Variants in PIP5K1B observed in about 807,000 individuals in gnomAD.
PIP5K1B encodes the protein phosphatidylinositol 4-phosphate 5-kinase type-1 beta.
PIP5K1B carries 42 observed loss-of-function variants against 67.0 expected under a neutral mutation model. The observed-to-expected ratio is 0.63, with a 90% confidence interval of 0.49 to 0.81. The LOEUF (loss-of-function observed/expected upper bound fraction) is 0.81. Among genes scored for constraint, PIP5K1B ranks in the 30% least tolerant of loss-of-function variants. The pLI is 0.00. For missense variants in PIP5K1B, 459 were observed against 646.3 expected (o/e 0.71, Z 3.14); for synonymous variants, 214 against 231.4 (o/e 0.92, Z 0.68).
In PIP5K1B at chr9:68,769,387, A is replaced by G. The variant is rs1043655251; in HGVS notation, c.-86+26730A>G. ...TGTTTTTTTTTCTAGCTTATATTCT[A>G]CATCTGATGGTCAGATCTGTTAGGT... On this transcript the variant is annotated intron_variant, in intron 2 of 15. Transcript: ENST00000265382. Among the ~76,000 whole-genome samples the G allele has an allele frequency of 2.6e-5, 4 of 152,270 alleles. No individual in the cohort carries two copies. In the East Asian group the frequency reaches 5.8e-4, roughly 22 times the overall value.
intron 12 of PIP5K1B, among the ~76,000 whole-genome samples, chr9:68,934,144 C>T (rs1490637924): frequency 6.6e-6 from 1 of 152,182 alleles, no homozygotes; most frequent in Non-Finnish European, 1.5e-5. Context: ...TAAGGATGGC[C>T]TTGCTGCCGC....
chr9:69,005,955 C>G (rs139410466), intron 15 of PIP5K1B, among the ~76,000 whole-genome samples: 3,496 of 152,002 alleles, frequency 0.023, 130 homozygotes, highest in African/African-American at 0.08. Context: ...TCATAGCTCA[C>G]TATAGCCTCA....
chr9:68,904,681 G>A (rs12684346), intron 8 of PIP5K1B, among the ~76,000 whole-genome samples: 14 of 151,794 alleles, frequency 9.2e-5, no homozygotes, highest in African/African-American at 2.9e-4. Flanking sequence ...AATGTGTGAC[G>A]TTGAATCCTG....
At chr9:68,766,147 A>G (rs1475369092) in intron 2 of PIP5K1B, among the ~76,000 whole-genome samples, 1 of 152,176 alleles carries the variant, frequency 6.6e-6, no homozygotes, top group African/African-American at 2.4e-5. Context: ...CTTGGTATGT[A>G]TAATATGGTT....
At chr9:68,988,444 G>GTTTTT (rs61373302) in intron 14 of PIP5K1B, among the ~76,000 whole-genome samples, 15 of 110,012 alleles carry the variant, frequency 1.4e-4, no homozygotes, top group Admixed American at 3.0e-4. Flanking sequence ...TTTTTTTGGG[G>GTTTTT]TTTTTTTTTT....
At chr9:69,002,446 A>G (rs2133031954) in intron 15 of PIP5K1B, among the ~76,000 whole-genome samples, 1 of 152,328 alleles carries the variant, frequency 6.6e-6, no homozygotes, top group Non-Finnish European at 1.5e-5. Context: ...CTGCAGCACT[A>G]GCACGTGTAT....
chr9:68,740,421 G>A (rs1414571477), intron 1 of PIP5K1B, among the ~76,000 whole-genome samples: 2 of 152,218 alleles, frequency 1.3e-5, no homozygotes, highest in African/African-American at 4.8e-5. Flanking sequence ...GGGTTCAGTG[G>A]AAGTTAAGTG....
intron 7 of PIP5K1B, among the ~76,000 whole-genome samples, chr9:68,893,032 C>T (rs1197382279): frequency 3.3e-5 from 5 of 151,944 alleles, no homozygotes; most frequent in Non-Finnish European, 4.4e-5. Flanking sequence ...AAGATCATGC[C>T]ACTGCACTCC....
intron 14 of PIP5K1B, among the ~76,000 whole-genome samples, chr9:68,977,723 C>T (rs1457896961): frequency 2.0e-5 from 3 of 147,498 alleles, no homozygotes; most frequent in Non-Finnish European, 3.0e-5. Context: ...GGCATGGTCT[C>T]GGCTCACTGG....
chr9:68,968,096 G>A (rs779268595), intron 14 of PIP5K1B, among the ~76,000 whole-genome samples: 36 of 152,162 alleles, frequency 2.4e-4, no homozygotes, highest in Non-Finnish European at 4.9e-4. Context: ...ATTTATGTTA[G>A]TATAACCTTG....
chr9:68,987,301 T>C (rs965184547), intron 14 of PIP5K1B, among the ~76,000 whole-genome samples: 1 of 151,988 alleles, frequency 6.6e-6, no homozygotes, highest in African/African-American at 2.4e-5. Flanking sequence ...TGGCGGCTTA[T>C]GCCTATAATC....
chr9:68,969,089 C>T (rs1247160312), intron 14 of PIP5K1B, among the ~76,000 whole-genome samples: 1 of 152,032 alleles, frequency 6.6e-6, no homozygotes, highest in East Asian at 1.9e-4. Flanking sequence ...GTAAATGAGG[C>T]CGGGCGCGGT....
At chr9:68,919,631 A>G (rs1307400471) in intron 10 of PIP5K1B, 50 bp from the exon 11 acceptor site, 3 of 1,414,748 alleles carry the variant, frequency 2.1e-6, no homozygotes, top group Non-Finnish European at 2.0e-6. Flanking sequence ...AAAAATCACC[A>G]AATGAGAGTG....
intron 12 of PIP5K1B, among the ~76,000 whole-genome samples, chr9:68,925,906 T>C (rs1241531338): frequency 6.6e-6 from 1 of 151,030 alleles, no homozygotes; most frequent in Non-Finnish European, 1.5e-5. Flanking sequence ...TAAGCGATTC[T>C]TCTGCCTCAG....
chr9:68,802,885 A>G (rs781757382), intron 2 of PIP5K1B, among the ~76,000 whole-genome samples: 5 of 152,208 alleles, frequency 3.3e-5, no homozygotes, highest in Admixed American at 6.5e-5. Context: ...AAGCCCTTGC[A>G]GGATTTTAAA....
chr9:68,902,091 T>A (rs1825392418), intron 8 of PIP5K1B, among the ~76,000 whole-genome samples: 1 of 152,208 alleles, frequency 6.6e-6, no homozygotes, highest in Non-Finnish European at 1.5e-5. Context: ...TACAACCTAC[T>A]GACGTTTTTC....
intron 12 of PIP5K1B, among the ~76,000 whole-genome samples, chr9:68,933,649 G>A (rs1827115936): frequency 6.6e-6 from 1 of 152,044 alleles, no homozygotes; most frequent in Non-Finnish European, 1.5e-5. Flanking sequence ...CCTAAAAAAG[G>A]GCCTTCCTCT....
At chr9:68,988,577 G>A (rs1009779540) in intron 14 of PIP5K1B, among the ~76,000 whole-genome samples, 3 of 151,056 alleles carry the variant, frequency 2.0e-5, no homozygotes, top group Non-Finnish European at 4.4e-5. Flanking sequence ...AGCCTCCTGA[G>A]TAGCTGGGAT....
intron 7 of PIP5K1B, among the ~76,000 whole-genome samples, chr9:68,890,688 A>G (rs1429375605): frequency 6.6e-6 from 1 of 151,752 alleles, no homozygotes; most frequent in East Asian, 1.9e-4. Flanking sequence ...CAGAAAATAT[A>G]GAAAAGCCAA....
Sources: gnomAD v4.1 joint callset for allele counts (sites outside exome capture counted in the v4.1 genomes callset) on GRCh38, gnomAD v4.1.1 for gene constraint, MANE v1.5 for transcripts, NCBI Gene and HGNC (gene_info 2026-07-23, HGNC 2026-07-21) for gene names.